MRPS31: variants seen among roughly 807,000 people sequenced by gnomAD.
The protein encoded by MRPS31 is mitochondrial ribosomal protein S31, also known as small ribosomal subunit protein mS31.
A neutral mutation model predicts 43.1 loss-of-function variants in MRPS31; 32 were observed. The observed-to-expected ratio is 0.74, with a 90% CI of 0.56 to 1.00. The LOEUF (loss-of-function observed/expected upper bound fraction) is 1.00, where lower values mean the gene tolerates loss of function less well. MRPS31 is among the 50% of genes least tolerant of loss of function. The probability of loss-of-function intolerance (pLI) is 0.00; values close to 1 mark genes in which losing one functional copy is unlikely to be tolerated. For synonymous variants in MRPS31, 165 were observed against 161.6 expected, an observed-to-expected ratio of 1.02 and a Z score of -0.16; for missense variants, 437 against 466.7, an observed-to-expected ratio of 0.94 and a Z score of 0.59.
intron 6 of MRPS31, among the ~76,000 whole-genome samples, chr13:40,734,245 G>C (rs1282909432): frequency 6.6e-6 from 1 of 152,132 alleles, no homozygotes; most frequent in African/African-American, 2.4e-5. Flanking sequence ...GGGTCTCAAA[G>C]CATGTGCTTC....
intron 2 of MRPS31, among the ~76,000 whole-genome samples, chr13:40,762,526 T>C (rs1880726887): frequency 6.6e-6 from 1 of 150,872 alleles, no homozygotes; most frequent in African/African-American, 2.4e-5. Context: ...CTCAACCTCC[T>C]CAGCTCAAGT....
intron 1 of MRPS31, among the ~76,000 whole-genome samples, chr13:40,769,373 CATATAT>C (rs201190639): frequency 0.031 from 2,014 of 65,216 alleles, 53 homozygotes; most frequent in Non-Finnish European, 0.047. Flanking sequence ...AGACTCTGTC[CATATAT>C]ATATATATAT....
At chr13:40,736,228 A>G (rs115005599) in intron 6 of MRPS31, among the ~76,000 whole-genome samples, 2,661 of 152,278 alleles carry the variant, frequency 0.017, 56 homozygotes, top group African/African-American at 0.058. Flanking sequence ...GAAAGTTTAG[A>G]GAAAAGAGAA....
chr13:40,745,876 A>G (rs1880227805), intron 6 of MRPS31, among the ~76,000 whole-genome samples: 1 of 152,214 alleles, frequency 6.6e-6, no homozygotes, highest in African/African-American at 2.4e-5. Flanking sequence ...TGTATCATTA[A>G]CAATCCAACA....
At chr13:40,736,074 A>G (rs943556350) in intron 6 of MRPS31, among the ~76,000 whole-genome samples, 5 of 146,022 alleles carry the variant, frequency 3.4e-5, no homozygotes, top group Non-Finnish European at 7.6e-5. Flanking sequence ...ACCAATACAG[A>G]GAAGTGCTTA....
At position 40,767,413 on chromosome 13, in the gene MRPS31, A is replaced by C. The variant is rs117703814; in HGVS notation, c.153-380T>G. Among the ~76,000 whole-genome samples the C allele has an allele frequency of 7.9e-5, 12 of 152,358 alleles. No individual in the cohort carries two copies. The East Asian group carries it at 2.1e-3, about 27-fold the overall frequency. ...ATTGTTAACAACCATAACAGCAGCA[A>C]CTTACCATTTATTAGCATATACTAC... is the stretch of plus-strand genomic sequence containing the variant. On this transcript the variant is annotated intron_variant, in intron 1 of 6. Coordinates refer to ENST00000323563, the MANE Select transcript of MRPS31 (RefSeq NM_005830.4).
At chr13:40,738,305 C>T (rs1182354892) in intron 6 of MRPS31, among the ~76,000 whole-genome samples, 2 of 152,042 alleles carry the variant, frequency 1.3e-5, no homozygotes, top group Non-Finnish European at 2.9e-5. Context: ...AATAGCTTAC[C>T]AACCAAAAAG....
chr13:40,729,336 C>T lies in MRPS31; in HGVS notation c.*36G>A, dbSNP rs574143351. 7.2e-5 allele frequency: 71 copies of T among 987,008 alleles called. No homozygotes were observed. In the South Asian group the frequency reaches 9.6e-4, roughly 13 times the overall value. 61.1% of individuals were successfully genotyped at this position (987,008 alleles called of 1,614,324 possible). On this transcript the variant is annotated 3_prime_UTR_variant, in exon 7 of 7. Coordinates refer to ENST00000323563, the MANE Select transcript of MRPS31 (RefSeq NM_005830.4). Reference sequence around the variant, plus strand: ...AATTATTTTATTTAGTTGTAATATCCATCTCTAATTGTTTGAAATAAAAAT... The same window carrying T: ...AATTATTTTATTTAGTTGTAATATCTATCTCTAATTGTTTGAAATAAAAAT...
At chr13:40,747,649 G>C (rs1324365537) in intron 6 of MRPS31, among the ~76,000 whole-genome samples, 1 of 152,096 alleles carries the variant, frequency 6.6e-6, no homozygotes, top group Non-Finnish European at 1.5e-5. Context: ...AGGCCAAGGC[G>C]GGTGGATCAC....
chr13:40,737,871 A>C (rs989869556), intron 6 of MRPS31, among the ~76,000 whole-genome samples: 4 of 152,024 alleles, frequency 2.6e-5, no homozygotes, highest in African/African-American at 7.3e-5. Context: ...CATCACAATT[A>C]AAAGAACTAG....
chr13:40,736,098 A>G (rs1040515837), intron 6 of MRPS31, among the ~76,000 whole-genome samples: 1 of 147,914 alleles, frequency 6.8e-6, no homozygotes, highest in African/African-American at 2.5e-5. Context: ...GAGCTGATGG[A>G]GCTGAAAACC....
chr13:40,731,368 G>C (rs1412176716), intron 6 of MRPS31: 1 of 152,746 alleles, frequency 6.5e-6, no homozygotes, highest in Non-Finnish European at 1.5e-5. Flanking sequence ...CAGGTCACAA[G>C]GTCAGGAGTT....
Position 40,748,113 on chromosome 13 carries a change from A to T in MRPS31, c.958+1025T>A, listed in dbSNP as rs550198743. Among the ~76,000 whole-genome samples, 4 of 152,244 alleles carry T rather than the reference A, an allele frequency of 2.6e-5. No individual in the cohort carries two copies. In the South Asian group the frequency reaches 8.3e-4, roughly 32 times the overall value. ...CCTAAGACTTATTTAGGCTTTTCCAACTTCTAGCTAATCTTACCCTAAAAG... is the reference window on the plus strand; with the variant it reads ...CCTAAGACTTATTTAGGCTTTTCCATCTTCTAGCTAATCTTACCCTAAAAG... On this transcript the variant is annotated intron_variant, in intron 6 of 6. Transcript: ENST00000323563.
chr13:40,762,018 G>T (rs1880711074), intron 2 of MRPS31, among the ~76,000 whole-genome samples: 1 of 151,846 alleles, frequency 6.6e-6, no homozygotes, highest in Admixed American at 6.6e-5. Flanking sequence ...AAGGTGGGCA[G>T]ATTACTTGAG....
intron 6 of MRPS31, among the ~76,000 whole-genome samples, chr13:40,736,631 A>G (rs1879917923): frequency 6.6e-6 from 1 of 150,914 alleles, no homozygotes; most frequent in Non-Finnish European, 1.5e-5. Context: ...AATATTGAAC[A>G]TTCTTAAAGA....
At chr13:40,766,223 G>C (rs979423612) in intron 2 of MRPS31, among the ~76,000 whole-genome samples, 5 of 152,116 alleles carry the variant, frequency 3.3e-5, no homozygotes, top group Non-Finnish European at 7.4e-5. Context: ...CCTTTCTCTG[G>C]ATTGTGTACA....
chr13:40,770,635 G>T, intron 1 of MRPS31: 1 of 326,602 alleles, frequency 3.1e-6, no homozygotes, highest in South Asian at 2.4e-5. Flanking sequence ...AACCAGTACT[G>T]GCACGCTGTT....
At chr13:40,744,251 T>A (rs933651015) in intron 6 of MRPS31, among the ~76,000 whole-genome samples, 8 of 152,180 alleles carry the variant, frequency 5.3e-5, no homozygotes, top group African/African-American at 1.9e-4. Context: ...TATCAGGTAT[T>A]ACGCTGATTA....
At chr13:40,740,787 G>A (rs2137998722) in intron 6 of MRPS31, among the ~76,000 whole-genome samples, 1 of 121,196 alleles carries the variant, frequency 8.3e-6, no homozygotes, top group East Asian at 2.6e-4. Context: ...GGACTGTGGT[G>A]GGGTGGGGGG....
Sources: allele counts gnomAD v4.1 joint callset (sites outside exome capture counted in the v4.1 genomes callset), GRCh38; gene constraint gnomAD v4.1.1; transcripts MANE v1.5; gene names NCBI Gene and HGNC (gene_info 2026-07-23, HGNC 2026-07-21).